Variants in SPTBN1 observed in about 807,000 individuals in gnomAD.
SPTBN1 encodes the protein spectrin beta, non-erythrocytic 1, also known as spectrin beta chain, non-erythrocytic 1.
Under a neutral mutation model 266.4 loss-of-function variants are expected in SPTBN1, and 32 were observed. That is an observed-to-expected ratio of 0.12 (90% CI 0.09 to 0.16). The LOEUF is 0.16. Among genes scored for constraint, SPTBN1 ranks in the 10% least tolerant of loss-of-function variants. The probability of loss-of-function intolerance (pLI) is 1.00; values close to 1 mark genes in which losing one functional copy is unlikely to be tolerated. For synonymous variants in SPTBN1, 1,336 were observed against 1,162.2 expected (o/e 1.15, Z -3.04); for missense variants, 2,296 against 3,067.1 (o/e 0.75, Z 5.94).
chr2:54,609,742 G>A lies in SPTBN1; in HGVS notation c.301-2419G>A, dbSNP rs1047905484. On this transcript the variant is annotated intron_variant, in intron 3 of 35. Coordinates refer to ENST00000356805, the MANE Select transcript of SPTBN1 (RefSeq NM_003128.3). ...TCCAATACCAAAAGAACTTTAAAACGCAGCCTCTTACTGGCAAGGTACTTT... is the reference window on the plus strand; with the variant it reads ...TCCAATACCAAAAGAACTTTAAAACACAGCCTCTTACTGGCAAGGTACTTT... Among the ~76,000 whole-genome samples, 3 of 152,060 alleles carry A rather than the reference G, an allele frequency of 2.0e-5. No individual in the cohort carries two copies. The East Asian group carries it at 5.8e-4, about 29-fold the overall frequency.
Position 54,629,877 on chromosome 2 carries a change from A to T in SPTBN1, c.2670-15A>T. On this transcript the variant is annotated splice_polypyrimidine_tract_variant and intron_variant, in intron 14 of 35. Transcript: ENST00000356805. ...TGGCCCAGGAGGTGACCACCCTGTC[A>T]AATTGCCATTTCAGATTTGAGAGCC... 6.2e-7 allele frequency: 1 copy of T among 1,613,992 alleles called. No individual in the cohort carries two copies. Among genetic ancestry groups the T allele is most frequent in the South Asian group, 1.1e-5 (1 of 91,078 alleles).
intron 1 of SPTBN1, among the ~76,000 whole-genome samples, chr2:54,492,399 GCATT>G (rs1668739373): frequency 7.7e-6 from 1 of 130,104 alleles, no homozygotes; most frequent in African/African-American, 3.1e-5. Flanking sequence ...GAGCATCACT[GCATT>G]CATATTTTTA....
At chr2:54,566,017 C>T (rs889115042) in intron 2 of SPTBN1, among the ~76,000 whole-genome samples, 1 of 152,030 alleles carries the variant, frequency 6.6e-6, no homozygotes, top group Non-Finnish European at 1.5e-5. Flanking sequence ...AATGATAGCT[C>T]CACCTCTTGT....
At position 54,653,339 on chromosome 2, in the gene SPTBN1, C is replaced by G. The variant is rs1185297642; in HGVS notation, c.5578-270C>G. 2.4e-6 allele frequency: 1 copy of G among 409,932 alleles called. No individual in the cohort carries two copies. Among genetic ancestry groups the G allele is most frequent in the East Asian group, 5.1e-5 (1 of 19,604 alleles). The allele number at this position is 409,932 out of a possible 1,614,324, so 25.4% of individuals were successfully genotyped here. A position where few individuals can be genotyped will look rare whatever the true frequency, so the allele number is the denominator to read the frequency against. ...TCCCAGGCTGCCTCCAGGGGACTTT[C>G]CCTGACTAAACTCTCCTGCCTGTCT... On this transcript the variant is annotated intron_variant, in intron 26 of 35. Coordinates refer to ENST00000356805, the MANE Select transcript of SPTBN1 (RefSeq NM_003128.3). This position sits in a 1 kb window ranked among gnomAD's most constrained non-coding sequence, Gnocchi z 5.1.
chr2:54,583,993 A>G (rs1361238016), intron 2 of SPTBN1, among the ~76,000 whole-genome samples: 1 of 152,248 alleles, frequency 6.6e-6, no homozygotes, highest in Non-Finnish European at 1.5e-5. Flanking sequence ...ATTCATAGAA[A>G]TACAGAAGTG....
chr2:54,590,548 A>G (rs892823417), intron 2 of SPTBN1, among the ~76,000 whole-genome samples: 2 of 152,254 alleles, frequency 1.3e-5, no homozygotes, highest in Admixed American at 6.5e-5. Context: ...ATAATAAAAG[A>G]TGAGAGACCA....
intron 19 of SPTBN1, among the ~76,000 whole-genome samples, chr2:54,643,753 G>A (rs932212673): frequency 2.0e-5 from 3 of 152,138 alleles, no homozygotes; most frequent in Non-Finnish European, 2.9e-5. Context: ...GGAGGCCAAG[G>A]CAGATGGATC....
At chr2:54,539,310 C>A (rs1671799171) in intron 2 of SPTBN1, among the ~76,000 whole-genome samples, 1 of 152,118 alleles carries the variant, frequency 6.6e-6, no homozygotes, top group South Asian at 2.1e-4. Context: ...AAAATTTCCT[C>A]CTAATTTTTG....
intron 2 of SPTBN1, among the ~76,000 whole-genome samples, chr2:54,588,647 A>G (rs921727517): frequency 6.6e-6 from 1 of 152,176 alleles, no homozygotes; most frequent in Non-Finnish European, 1.5e-5. Context: ...ATGCAGCATC[A>G]CTAGTGCACA....
At chr2:54,591,935 A>T (rs1177257097) in intron 2 of SPTBN1, among the ~76,000 whole-genome samples, 1 of 152,210 alleles carries the variant, frequency 6.6e-6, no homozygotes, top group Non-Finnish European at 1.5e-5. Flanking sequence ...TGGGAGGCTA[A>T]GGTGGGAGGA....
At chr2:54,597,153 A>C (rs1471858766) in intron 2 of SPTBN1, among the ~76,000 whole-genome samples, 1 of 152,240 alleles carries the variant, frequency 6.6e-6, no homozygotes, top group African/African-American at 2.4e-5. Context: ...ATTCACAAAA[A>C]AAATTGTTAA....
chr2:54,514,542 A>G (rs1670015422), intron 1 of SPTBN1, among the ~76,000 whole-genome samples: 1 of 152,168 alleles, frequency 6.6e-6, no homozygotes, highest in Admixed American at 6.5e-5. Flanking sequence ...TTAGCGTTTG[A>G]ATGTTGTAGG....
intron 1 of SPTBN1, among the ~76,000 whole-genome samples, chr2:54,486,710 T>C (rs1328434481): frequency 1.4e-5 from 2 of 140,666 alleles, no homozygotes; most frequent in East Asian, 2.0e-4. Context: ...CACCCAAGAA[T>C]GATCAATTAA....
At chr2:54,553,623 T>G (rs536090392) in intron 2 of SPTBN1, among the ~76,000 whole-genome samples, 4 of 152,194 alleles carry the variant, frequency 2.6e-5, no homozygotes, top group Non-Finnish European at 5.9e-5. Flanking sequence ...AGCAGAGAAT[T>G]TGACAAAACA....
chr2:54,457,654 C>A (rs1304349818), intron 1 of SPTBN1, among the ~76,000 whole-genome samples: 1 of 152,222 alleles, frequency 6.6e-6, no homozygotes, highest in Non-Finnish European at 1.5e-5. Flanking sequence ...TTGGTTCTCG[C>A]TGGCGGGGCT....
intron 1 of SPTBN1, among the ~76,000 whole-genome samples, chr2:54,523,484 G>A (rs1192153750): frequency 2.0e-5 from 3 of 152,146 alleles, no homozygotes; most frequent in Admixed American, 2.0e-4. Context: ...GATAGCATGT[G>A]AGAAAACAGC....
intron 2 of SPTBN1, among the ~76,000 whole-genome samples, chr2:54,562,638 C>G (rs1231709754): frequency 1.3e-5 from 2 of 149,304 alleles, no homozygotes; most frequent in Non-Finnish European, 3.0e-5. Context: ...TCAAGTGATT[C>G]TCCCACCTCA....
intron 19 of SPTBN1, among the ~76,000 whole-genome samples, chr2:54,643,908 G>A (rs1243450747): frequency 6.6e-6 from 1 of 152,100 alleles, no homozygotes; most frequent in African/African-American, 2.4e-5. Flanking sequence ...GGAGGCAGAG[G>A]TTGCAGTGAG....
At chr2:54,536,224 G>T (rs980207226) in intron 2 of SPTBN1, among the ~76,000 whole-genome samples, 7 of 152,058 alleles carry the variant, frequency 4.6e-5, no homozygotes, top group African/African-American at 1.7e-4. Context: ...GATGATAAAA[G>T]GTATAAATTT....
Sources: gnomAD v4.1 joint callset for allele counts (sites outside exome capture counted in the v4.1 genomes callset) on GRCh38, gnomAD v4.1.1 for gene constraint, Gnocchi (gnomAD v3.1) non-coding constraint, MANE v1.5 for transcripts, NCBI Gene and HGNC (gene_info 2026-07-23, HGNC 2026-07-21) for gene names.